The following CNTNAP4 variants were observed in gnomAD, a reference collection of about 807,000 sequenced individuals.
CNTNAP4 encodes the protein contactin associated protein family member 4.
A neutral mutation model predicts 148.4 loss-of-function variants in CNTNAP4; 98 were observed. That is an observed-to-expected ratio of 0.66 (90% CI 0.56 to 0.78). The LOEUF is 0.78. CNTNAP4 is among the 30% of genes least tolerant of loss of function. The pLI, the probability that CNTNAP4 is intolerant of heterozygous loss-of-function variation, is 0.00. For synonymous variants in CNTNAP4, 730 were observed against 565.1 expected, an observed-to-expected ratio of 1.29 and a Z score of -4.14; for missense variants, 1,935 against 1,565.6, an observed-to-expected ratio of 1.24 and a Z score of -3.98.
rs2143616354 is a variant in CNTNAP4 at position 76,475,965 on chromosome 16, G to A, written c.1682G>A (p.Gly561Asp). Reference sequence around the variant, plus strand: ...TGTTTGCCCAACTATTGTGAACACGGTGGGGAGTGTTCCCAGTCCTGGAGC... The same window carrying A: ...TGTTTGCCCAACTATTGTGAACACGATGGGGAGTGTTCCCAGTCCTGGAGC... ...DRCLPNYCEH[G>D]GECSQSWSTF... The change falls in exon 11 of 24, where the codon GGT becomes GAT. Residue 561 changes from glycine to aspartate, a missense_variant. Transcript: ENST00000611870. 3 of 1,613,804 alleles carry A rather than the reference G, an allele frequency of 1.9e-6. No homozygotes were observed. The highest frequency in any genetic ancestry group is 2.2e-5 in the South Asian group (2 of 91,072).
At chr16:76,287,775 A>C (rs539092797) in intron 1 of CNTNAP4, 71 of 152,278 alleles carry the variant, frequency 4.7e-4, no homozygotes, top group African/African-American at 1.6e-3. Flanking sequence ...ATATCATACA[A>C]TATTTTACCT....
In CNTNAP4 at chr16:76,428,723, A is replaced by G. The variant is rs1597504038; in HGVS notation, c.538+1124A>G. Among the ~76,000 whole-genome samples, 8 of 152,192 alleles carry G rather than the reference A, an allele frequency of 5.3e-5. No homozygotes were observed. In the South Asian group the frequency reaches 1.7e-3, roughly 32 times the overall value. ...CCAGGGCCTACAGAATAATACTAAT[A>G]AAAGTATTAATATAATATTAATAGC... is the stretch of plus-strand genomic sequence containing the variant. On this transcript the variant is annotated intron_variant, in intron 4 of 23. Transcript: ENST00000611870.
At chr16:76,369,207 T>C (rs2014513958) in intron 3 of CNTNAP4, among the ~76,000 whole-genome samples, 1 of 152,176 alleles carries the variant, frequency 6.6e-6, no homozygotes, top group South Asian at 2.1e-4. Context: ...TAGACATTAT[T>C]TTCCAATGTG....
intron 3 of CNTNAP4, among the ~76,000 whole-genome samples, chr16:76,368,319 C>A (rs2014396813): frequency 6.6e-6 from 1 of 152,116 alleles, no homozygotes; most frequent in African/African-American, 2.4e-5. Context: ...AGCTACTAGC[C>A]ACACAGGGTC....
chr16:76,492,155 A>C (rs2082246513), intron 13 of CNTNAP4, among the ~76,000 whole-genome samples: 1 of 152,292 alleles, frequency 6.6e-6, no homozygotes, highest in East Asian at 1.9e-4. Context: ...TTGCAGTTGT[A>C]AGATGAATAT....
Position 76,461,996 on chromosome 16 carries a change from A to C in CNTNAP4, c.1374A>C (p.Leu458Phe). 1.2e-6 allele frequency: 2 copies of C among 1,613,796 alleles called. 1 individual carries two copies. Among genetic ancestry groups the C allele is most frequent in the South Asian group, 2.2e-5 (2 of 91,062 alleles). ...ATGGGCAGTGGCATTCTGTCTCTTT[A>C]TCTGCTAAAAAGAATCACTTGAGTG... ...LNDGQWHSVS[L>F]SAKKNHLSVA... Residue 458 changes from leucine (L) to phenylalanine (F), a missense_variant, in exon 9 of 24, where the codon TTA (leucine) becomes TTC (phenylalanine). Leu to Phe is a conservative substitution (Grantham distance 22). Coordinates refer to ENST00000611870, the MANE Select transcript of CNTNAP4 (RefSeq NM_033401.5).
chr16:76,500,641 T>A (rs4287595), intron 15 of CNTNAP4, among the ~76,000 whole-genome samples: 10 of 139,600 alleles, frequency 7.2e-5, no homozygotes, highest in African/African-American at 2.5e-4. Flanking sequence ...TGTGTGTGTG[T>A]GTCTGTGTGC....
chr16:76,348,786 G>C (rs1965127763), intron 2 of CNTNAP4, among the ~76,000 whole-genome samples: 1 of 151,166 alleles, frequency 6.6e-6, no homozygotes, highest in Non-Finnish European at 1.5e-5. Context: ...GCCCAAGAAG[G>C]AATGGGGTGA....
intron 17 of CNTNAP4, among the ~76,000 whole-genome samples, chr16:76,530,690 C>A (rs570518988): frequency 6.6e-6 from 1 of 152,204 alleles, no homozygotes; most frequent in Admixed American, 6.5e-5. Context: ...CTGTCACTTG[C>A]AACAGCTGCC....
At position 76,544,252 on chromosome 16, in the gene CNTNAP4, A is replaced by C. The variant is rs150199137; in HGVS notation, c.3442+3462A>C. 2.5e-3 allele frequency among the ~76,000 whole-genome samples: 381 copies of C among 152,172 alleles called. 3 individuals carry two copies. Among genetic ancestry groups the C allele is most frequent in the African/African-American group, 8.8e-3 (365 of 41,522 alleles). On this transcript the variant is annotated intron_variant, in intron 21 of 23. Transcript: ENST00000611870. ...TTGTAATTTGCCTACAATTACAACA[A>C]ACGACTTAAGTATATAACTGTCCCA...
At chr16:76,292,488 T>A (rs941370187) in intron 1 of CNTNAP4, among the ~76,000 whole-genome samples, 1 of 152,134 alleles carries the variant, frequency 6.6e-6, no homozygotes, top group Non-Finnish European at 1.5e-5. Context: ...TTACCAATCT[T>A]CCCTACATGT....
At chr16:76,342,455 T>C (rs72626199) in intron 2 of CNTNAP4, among the ~76,000 whole-genome samples, 19,246 of 149,074 alleles carry the variant, frequency 0.13, 2,062 homozygotes, top group East Asian at 0.5. Context: ...AAATTATAAA[T>C]TGCTAATTTC....
At chr16:76,356,272 G>A (rs572705992) in intron 3 of CNTNAP4, among the ~76,000 whole-genome samples, 2 of 151,930 alleles carry the variant, frequency 1.3e-5, no homozygotes, top group Non-Finnish European at 2.9e-5. Context: ...TCTGGTATAT[G>A]GGGATTTATA....
chr16:76,329,049 T>C (rs1034125023), intron 2 of CNTNAP4, among the ~76,000 whole-genome samples: 1 of 152,232 alleles, frequency 6.6e-6, no homozygotes, highest in Non-Finnish European at 1.5e-5. Flanking sequence ...AAAAAGTTTG[T>C]TAAAAACACA....
At chr16:76,319,411 G>C (rs1031493468) in intron 2 of CNTNAP4, among the ~76,000 whole-genome samples, 5 of 152,050 alleles carry the variant, frequency 3.3e-5, no homozygotes, top group African/African-American at 1.2e-4. Context: ...GAGGGGAGGA[G>C]AGGGGAGGAT....
rs551094444 is a variant in CNTNAP4, at chr16:76,494,961, A to C, written c.2132A>C (p.Tyr711Ser). Residue 711 changes from tyrosine to serine, a missense_variant, in exon 14 of 24, where the codon TAC becomes TCC. Coordinates refer to ENST00000611870, the MANE Select transcript of CNTNAP4 (RefSeq NM_033401.5). ...WVGRTNETQT[Y>S]WGGSSPDLQK... ...GGAAGAACCAATGAAACGCAAACCT[A>C]CTGGGGAGGTTCTTCGCCTGATCTT... 1.1e-5 allele frequency: 18 copies of C among 1,613,576 alleles called. No homozygotes were observed. The highest frequency in any genetic ancestry group is 1.5e-5 in the Non-Finnish European group (18 of 1,179,588).
chr16:76,434,298 C>T (rs534645439), intron 4 of CNTNAP4, among the ~76,000 whole-genome samples: 1 of 152,176 alleles, frequency 6.6e-6, no homozygotes, highest in South Asian at 2.1e-4. Flanking sequence ...GTTTGATATA[C>T]CCCTGAGGTA....
At chr16:76,485,889 C>T (rs2082009082) in intron 12 of CNTNAP4, among the ~76,000 whole-genome samples, 1 of 152,344 alleles carries the variant, frequency 6.6e-6, no homozygotes, top group East Asian at 1.9e-4. Context: ...TCTCTCCCCT[C>T]CTGTCTCCTC....
At chr16:76,485,482 C>T (rs567065883) in intron 12 of CNTNAP4, among the ~76,000 whole-genome samples, 28 of 152,294 alleles carry the variant, frequency 1.8e-4, no homozygotes, top group African/African-American at 2.6e-4. Flanking sequence ...AAATATTGCA[C>T]TGTAAGGATG....
Sources: gnomAD v4.1 joint callset for allele counts (sites outside exome capture counted in the v4.1 genomes callset) on GRCh38, gnomAD v4.1.1 for gene constraint, MANE v1.5 for transcripts, NCBI Gene and HGNC (gene_info 2026-07-23, HGNC 2026-07-21) for gene names.